Variants in H2AZ2 observed in about 807,000 individuals in gnomAD.
H2AZ2 encodes H2A.Z variant histone 2.
A neutral mutation model predicts 15.5 loss-of-function variants in H2AZ2; 5 were observed. That is an observed-to-expected ratio of 0.32 (90% CI 0.17 to 0.68). The LOEUF (loss-of-function observed/expected upper bound fraction) is 0.68. Among genes scored for constraint, H2AZ2 ranks in the 30% least tolerant of loss-of-function variants. The probability of loss-of-function intolerance (pLI) is 0.72; values close to 1 mark genes in which losing one functional copy is unlikely to be tolerated. For synonymous variants in H2AZ2, 44 were observed against 57.4 expected (o/e 0.77, Z 1.05); for missense variants, 42 against 162.5 (o/e 0.26, Z 4.03).
In H2AZ2 at chr7:44,834,211, AAC is replaced by A; in HGVS notation, c.*288_*289del. The A allele has an allele frequency of 1.7e-6, 2 of 1,162,590 alleles. No individual in the cohort carries two copies. The highest frequency in any genetic ancestry group is 1.1e-6 in the Non-Finnish European group (1 of 937,842). The allele number at this position is 1,162,590 out of a possible 1,614,324, so 72.0% of individuals were successfully genotyped here. On this transcript the variant is annotated 3_prime_UTR_variant, in exon 5 of 5. Transcript: ENST00000308153. Reference sequence around the variant, plus strand: ...AATATTTCTAATACATCATGAACAGAACAGTTTTGAGACAAATTAATTTTGTA... The same window carrying A: ...AATATTTCTAATACATCATGAACAGAAGTTTTGAGACAAATTAATTTTGTA...
Position 44,834,477 on chromosome 7 carries a change from A to T in H2AZ2, c.*24T>A. 6.2e-7 allele frequency: 1 copy of T among 1,604,464 alleles called. No individual in the cohort carries two copies. Among genetic ancestry groups the T allele is most frequent in the Non-Finnish European group, 8.5e-7 (1 of 1,175,720 alleles). On this transcript the variant is annotated 3_prime_UTR_variant, in exon 5 of 5. Coordinates refer to ENST00000308153, the MANE Select transcript of H2AZ2 (RefSeq NM_012412.5). ...CAGTTACAGTACAATGACGGGGAGG[A>T]AGAGGGTTGGTTAAAGCATCCCTCT... is the stretch of plus-strand genomic sequence containing the variant.
At chr7:44,831,022 C>T (rs937638194), downstream of H2AZ2, among the ~76,000 whole-genome samples, 1 of 152,078 alleles carries the variant, frequency 6.6e-6, no homozygotes, top group Non-Finnish European at 1.5e-5. Context: ...CAAACATTAG[C>T]CAGGCATGGT....
chr7:44,842,533 A>G (rs1442454258), intron 2 of H2AZ2, among the ~76,000 whole-genome samples: 1 of 152,148 alleles, frequency 6.6e-6, no homozygotes, highest in African/African-American at 2.4e-5. Context: ...CTTTCTCTCA[A>G]CCTTATACTG....
chr7:44,845,302 G>A (rs1376497403), intron 1 of H2AZ2, among the ~76,000 whole-genome samples: 1 of 152,124 alleles, frequency 6.6e-6, no homozygotes, highest in Admixed American at 6.6e-5. Flanking sequence ...TTCAACAAGA[G>A]ACTGATTTAA....
At chr7:44,835,447 T>C in intron 4 of H2AZ2, 82 bp downstream of exon 4, 3 of 1,164,108 alleles carry the variant, frequency 2.6e-6, no homozygotes, top group Non-Finnish European at 3.6e-6. Flanking sequence ...AGTTAACCGA[T>C]CAAATATACT....
At chr7:44,835,982 C>T (rs1015829783) in intron 3 of H2AZ2, among the ~76,000 whole-genome samples, 1 of 105,142 alleles carries the variant, frequency 9.5e-6, no homozygotes, top group Non-Finnish European at 1.8e-5. Flanking sequence ...TTTTTTGAGA[C>T]AAGGTCTCAC....
downstream of H2AZ2, among the ~76,000 whole-genome samples, chr7:44,830,328 C>T (rs764201202): frequency 2.0e-5 from 3 of 152,074 alleles, no homozygotes; most frequent in Admixed American, 6.5e-5. Flanking sequence ...AACTTTTTTG[C>T]ATGTTTGAAA....
intron 3 of H2AZ2, among the ~76,000 whole-genome samples, chr7:44,839,763 G>A (rs1179985531): frequency 2.0e-5 from 3 of 152,012 alleles, no homozygotes; most frequent in Non-Finnish European, 4.4e-5. Flanking sequence ...AGCACTTTGG[G>A]AGGCTGAGGC....
chr7:44,838,528 C>G (rs188993573), intron 3 of H2AZ2, among the ~76,000 whole-genome samples: 3 of 151,878 alleles, frequency 2.0e-5, no homozygotes, highest in African/African-American at 7.3e-5. Flanking sequence ...TGATGCACAC[C>G]GGTAGCCCCA....
intron 3 of H2AZ2, among the ~76,000 whole-genome samples, chr7:44,836,912 C>A (rs578058510): frequency 6.6e-6 from 1 of 151,476 alleles, no homozygotes; most frequent in Admixed American, 6.6e-5. Flanking sequence ...AGGAGAATGG[C>A]GTGAACCCAG....
At chr7:44,846,062 C>CACAG (rs57468916) in intron 1 of H2AZ2, among the ~76,000 whole-genome samples, 8 of 75,060 alleles carry the variant, frequency 1.1e-4, no homozygotes, top group African/African-American at 3.3e-4. Context: ...CACACACACA[C>CACAG]AGAGAGAGAC....
downstream of H2AZ2, among the ~76,000 whole-genome samples, chr7:44,830,419 A>G (rs1345860685): frequency 6.6e-6 from 1 of 152,214 alleles, no homozygotes; most frequent in African/African-American, 2.4e-5. Flanking sequence ...AATGTTTCAT[A>G]AAGAGTCAGA....
At chr7:44,830,133 C>T, downstream of H2AZ2, 2 of 1,613,548 alleles carry the variant, frequency 1.2e-6, no homozygotes, top group Non-Finnish European at 1.7e-6. Context: ...AATACAATGG[C>T]ATCTTCTGAT....
chr7:44,843,398 T>C lies in H2AZ2; in HGVS notation c.4-44A>G, dbSNP rs774216312. 3.1e-6 allele frequency: 4 copies of C among 1,297,594 alleles called. No individual in the cohort carries two copies. In the African/African-American group the frequency reaches 5.9e-5, roughly 19 times the overall value. The allele number at this position is 1,297,594 out of a possible 1,614,324, so 80.4% of individuals were successfully genotyped here. On this transcript the variant is annotated intron_variant, in intron 1 of 4. Coordinates refer to ENST00000308153, the MANE Select transcript of H2AZ2 (RefSeq NM_012412.5). ...TTTTTTGAATGAAAAGAGTTGAAAA[T>C]ACTACTTCAAAAATATTCTGGAAAC...
At chr7:44,837,433 G>GAAAAAAAAAAAA (rs71011996) in intron 3 of H2AZ2, among the ~76,000 whole-genome samples, 1 of 87,270 alleles carries the variant, frequency 1.1e-5, no homozygotes, top group African/African-American at 4.3e-5. Context: ...AAAAAAAAAA[G>GAAAAAAAAAAAA]AAAAAAAAAA....
In H2AZ2 at chr7:44,848,015, C is replaced by T. The variant is rs890409711; in HGVS notation, c.-44G>A. ...GCCTCCGCTCGGCCGCGCGCCCTCCCGCTGCCGACCCGCGCCGCCGCCGCC... is the reference window on the plus strand; with the variant it reads ...GCCTCCGCTCGGCCGCGCGCCCTCCTGCTGCCGACCCGCGCCGCCGCCGCC... On this transcript the variant is annotated 5_prime_UTR_variant, in exon 1 of 5. Coordinates refer to ENST00000308153, the MANE Select transcript of H2AZ2 (RefSeq NM_012412.5). 71 of 1,252,522 alleles carry T rather than the reference C, an allele frequency of 5.7e-5. No individual in the cohort carries two copies. Among genetic ancestry groups the T allele is most frequent in the Non-Finnish European group, 6.8e-5 (67 of 990,850 alleles). 77.6% of individuals were successfully genotyped at this position (1,252,522 alleles called of 1,614,324 possible).
At chr7:44,845,181 G>A (rs970432761) in intron 1 of H2AZ2, among the ~76,000 whole-genome samples, 17 of 151,972 alleles carry the variant, frequency 1.1e-4, no homozygotes, top group African/African-American at 3.9e-4. Context: ...GATTAAGTGC[G>A]TGTCACCCAA....
At chr7:44,837,418 C>CAAA (rs1365895034) in intron 3 of H2AZ2, among the ~76,000 whole-genome samples, 3 of 38,504 alleles carry the variant, frequency 7.8e-5, no homozygotes, top group East Asian at 9.9e-4. Flanking sequence ...GCAAGACTCT[C>CAAA]AAAAAAAAAA....
chr7:44,846,607 TC>T (rs1170065836), intron 1 of H2AZ2, among the ~76,000 whole-genome samples: 1 of 108,756 alleles, frequency 9.2e-6, no homozygotes, highest in Non-Finnish European at 1.7e-5. Context: ...AGACTCCGTC[TC>T]AAAAAAAAAA....
Sources: allele counts gnomAD v4.1 joint callset (sites outside exome capture counted in the v4.1 genomes callset), GRCh38; gene constraint gnomAD v4.1.1; transcripts MANE v1.5; gene names NCBI Gene and HGNC (gene_info 2026-07-23, HGNC 2026-07-21).